LZTR1: variants seen among roughly 807,000 people sequenced by gnomAD.
LZTR1 encodes leucine-zipper-like transcriptional regulator 1.
LZTR1 carries 260 observed loss-of-function variants against 105.7 expected under a neutral mutation model. The observed-to-expected ratio is 2.46, with a 90% CI of 2.22 to 2.72. LZTR1 has a LOEUF of 2.72. LZTR1 is among the 30% of genes most tolerant of loss of function. The pLI is 0.00. For missense variants in LZTR1, 1,214 were observed against 1,166.9 expected (o/e 1.04, Z -0.59); for synonymous variants, 490 against 476.4 (o/e 1.03, Z -0.37).
Position 20,983,068 on chromosome 22 carries a change from A to T in LZTR1, c.242A>T (p.Tyr81Phe), listed in dbSNP as rs779864268. Reference protein sequence around the residue: ...HTVVAYKDAIYVFGGDNGKTM... With the variant: ...HTVVAYKDAIFVFGGDNGKTM... ...GTGGTGGCCTATAAAGATGCCATTT[A>T]TGTATTTGGTGGAGACAATGGGTGA... Residue 81 changes from tyrosine to phenylalanine, a missense_variant, in exon 2 of 21, where the codon TAT becomes TTT. Transcript: ENST00000646124. 6.2e-7 allele frequency: 1 copy of T among 1,613,918 alleles called. No individual in the cohort carries two copies. The highest frequency in any genetic ancestry group is 1.3e-5 in the African/African-American group (1 of 74,892).
chr22:20,993,812 G>A lies in LZTR1; in HGVS notation c.1353+58G>A, dbSNP rs2329636. 20,345 of 1,575,636 alleles carry A rather than the reference G, an allele frequency of 0.013. 1,269 individuals are homozygous for A. The East Asian group carries it at 0.18, about 14-fold the overall frequency. ...GCTGTGCCTGGGCAGTGGGAATTTC[G>A]CCCCTCAGAAAAACAGCTGCTGGCC... On this transcript the variant is annotated intron_variant, in intron 12 of 20. Transcript: ENST00000646124.
intron 7 of LZTR1, 64 bp from the exon 8 acceptor site, chr22:20,990,322 C>T (rs915137451): frequency 1.1e-5 from 17 of 1,584,726 alleles, no homozygotes; most frequent in African/African-American, 8.1e-5. Flanking sequence ...TCAGCAGTCT[C>T]GAGTGTGGTG....
At chr22:20,986,184 T>C in intron 3 of LZTR1, 1 of 343,762 alleles carries the variant, frequency 2.9e-6, no homozygotes, top group East Asian at 4.6e-5. Flanking sequence ...GGTACAGAAG[T>C]TGCTATGTCT....
rs1190664027 is a variant in LZTR1, at chr22:20,998,815, TCA to T, written c.*1468_*1469del. 1.3e-5 allele frequency: 2 copies of T among 152,228 alleles called. No homozygotes were observed. The highest frequency in any genetic ancestry group is 4.8e-5 in the African/African-American group (2 of 41,422). 9.4% of individuals were successfully genotyped at this position (152,228 alleles called of 1,614,324 possible). A position where few individuals can be genotyped will look rare whatever the true frequency, so the allele number is the denominator to read the frequency against. ...AGCCATGTGGGCCAGGTGCATTCAC[TCA>T]GAGTGGGGCCACACACCCATCTACC... On this transcript the variant is annotated 3_prime_UTR_variant, in exon 21 of 21. Coordinates refer to ENST00000646124, the MANE Select transcript of LZTR1 (RefSeq NM_006767.4).
chr22:20,984,155 T>C (rs138519966), intron 2 of LZTR1, among the ~76,000 whole-genome samples: 273 of 152,332 alleles, frequency 1.8e-3, no homozygotes, highest in Middle Eastern at 3.4e-3. Flanking sequence ...CTGGAGACCA[T>C]TGCTTCCCCT....
Position 20,983,068 on chromosome 22 carries a change from A to G in LZTR1, c.242A>G (p.Tyr81Cys), listed in dbSNP as rs779864268. 6.2e-7 allele frequency: 1 copy of G among 1,614,036 alleles called. No individual in the cohort carries two copies. The highest frequency in any genetic ancestry group is 8.5e-7 in the Non-Finnish European group (1 of 1,179,942). ...HTVVAYKDAI[Y>C]VFGGDNGKTM... ...GTGGTGGCCTATAAAGATGCCATTT[A>G]TGTATTTGGTGGAGACAATGGGTGA... The change falls in exon 2 of 21, where the codon TAT (tyrosine) becomes TGT (cysteine). Residue 81 changes from tyrosine (Y) to cysteine (C), a missense_variant. Physicochemically the swap from Tyr to Cys is radical, Grantham distance 194. Transcript: ENST00000646124.
intron 10 of LZTR1, 126 bp downstream of exon 10, chr22:20,992,495 G>T (rs967213548): frequency 2.1e-5 from 24 of 1,147,256 alleles, no homozygotes; most frequent in South Asian, 9.3e-5. Flanking sequence ...CACAAAGGGG[G>T]TACAGGGCCA....
At chr22:20,993,841 T>C in intron 12 of LZTR1, 83 bp from the exon 13 acceptor site, 1 of 1,565,832 alleles carries the variant, frequency 6.4e-7, no homozygotes, top group Non-Finnish European at 8.7e-7. Context: ...GCTGGCCTGG[T>C]GGTGCTGACC....
intron 2 of LZTR1, 96 bp from the exon 3 acceptor site, chr22:20,985,744 GC>G (rs1924357037): frequency 8.7e-7 from 1 of 1,143,878 alleles, no homozygotes; most frequent in Non-Finnish European, 1.3e-6. Context: ...GCCCACAACA[GC>G]CCCCTACTCT....
chr22:20,994,507 C>T (rs1164810571), intron 14 of LZTR1, 51 bp from the exon 15 acceptor site: 1 of 1,580,026 alleles, frequency 6.3e-7, no homozygotes, highest in African/African-American at 1.3e-5. Context: ...GCGCCCTGTG[C>T]CCTGCCCTCC....
At chr22:20,992,680 C>T in intron 10 of LZTR1, 114 bp from the exon 11 acceptor site, 1 of 716,886 alleles carries the variant, frequency 1.4e-6, no homozygotes, top group South Asian at 1.7e-5. Context: ...GGGGACCCTG[C>T]CCCCTGGCCC....
At chr22:20,989,395 A>G (rs1924514291) in intron 6 of LZTR1, among the ~76,000 whole-genome samples, 2 of 152,170 alleles carry the variant, frequency 1.3e-5, no homozygotes, top group Admixed American at 1.3e-4. Context: ...CACTGCCCTG[A>G]TGTCATGCAT....
intron 12 of LZTR1, 54 bp from the exon 13 acceptor site, chr22:20,993,870 G>C: frequency 6.3e-7 from 1 of 1,583,804 alleles, no homozygotes; most frequent in Non-Finnish European, 8.6e-7. Flanking sequence ...CTGGGTCTCT[G>C]TTCTCTGGGG....
intron 7 of LZTR1, among the ~76,000 whole-genome samples, chr22:20,990,024 G>A (rs1353114836): frequency 1.3e-5 from 2 of 152,130 alleles, no homozygotes; most frequent in African/African-American, 4.8e-5. Flanking sequence ...GTGCAGTGAG[G>A]GCCGTCTGCT....
intron 18 of LZTR1, chr22:20,996,441 G>A: frequency 3.4e-6 from 2 of 592,962 alleles, no homozygotes; most frequent in Non-Finnish European, 6.0e-6. Flanking sequence ...TGAACATGGA[G>A]GGTCAGGATG....
At chr22:20,991,399 A>C in intron 8 of LZTR1, 3 of 543,690 alleles carry the variant, frequency 5.5e-6, no homozygotes, top group Non-Finnish European at 3.3e-6. Context: ...GAGAGGGGGG[A>C]GCTCTGGCAG....
In LZTR1 at chr22:20,994,561, A is replaced by AT; in HGVS notation, c.1620dup (p.Val541CysfsTer128). ...ATTCGGGGGCTCTGGGGCGCAGGCC[A>AT]TGTGGAGGATGTGCTGCTCATCATG... On this transcript the variant is annotated frameshift_variant, in exon 15 of 21. Coordinates refer to ENST00000646124, the MANE Select transcript of LZTR1 (RefSeq NM_006767.4). LOFTEE classifies it high-confidence loss of function. 1 of 1,609,480 alleles carries AT rather than the reference A, an allele frequency of 6.2e-7. No homozygotes were observed. The highest frequency in any genetic ancestry group is 1.3e-5 in the African/African-American group (1 of 75,038).
At chr22:20,993,484 C>A in intron 11 of LZTR1, 178 bp from the exon 12 acceptor site, 1 of 606,000 alleles carries the variant, frequency 1.7e-6, no homozygotes, top group Non-Finnish European at 3.0e-6. Flanking sequence ...GAGGCTGGAG[C>A]CAGGCTGTAT....
At chr22:20,986,135 T>C (rs1924372747) in intron 3 of LZTR1, 1 of 550,422 alleles carries the variant, frequency 1.8e-6, no homozygotes, top group Non-Finnish European at 3.2e-6. Context: ...GGCACCCTTC[T>C]GGGCTGTCCA....
Sources: allele counts gnomAD v4.1 joint callset (sites outside exome capture counted in the v4.1 genomes callset), GRCh38; gene constraint gnomAD v4.1.1; transcripts MANE v1.5; gene names NCBI Gene and HGNC (gene_info 2026-07-23, HGNC 2026-07-21).